Variants in FAM151B observed in about 807,000 individuals in gnomAD.
The protein encoded by FAM151B is protein FAM151B.
In FAM151B, 24 loss-of-function variants were observed where a neutral mutation model predicts 31.2. That is an observed-to-expected ratio of 0.77 (90% CI 0.56 to 1.08). The LOEUF (loss-of-function observed/expected upper bound fraction) is 1.08. Ranked by LOEUF, FAM151B falls within the 50% of genes least tolerant of loss-of-function variation. FAM151B has a pLI of 0.00. For missense variants in FAM151B, 293 were observed against 328.6 expected, an observed-to-expected ratio of 0.89 and a Z score of 0.84; for synonymous variants, 105 against 111.4, an observed-to-expected ratio of 0.94 and a Z score of 0.36.
chr5:80,519,130 CAG>C (rs1733741230), intron 3 of FAM151B, among the ~76,000 whole-genome samples: 1 of 152,112 alleles, frequency 6.6e-6, no homozygotes, highest in African/African-American at 2.4e-5. Flanking sequence ...AAAAATGAAA[CAG>C]AAACTTGAAG....
chr5:80,512,342 C>T (rs1476826096), intron 2 of FAM151B, among the ~76,000 whole-genome samples: 1 of 152,174 alleles, frequency 6.6e-6, no homozygotes, highest in East Asian at 1.9e-4. Context: ...TTCATTTGCT[C>T]ATGTTATATC....
At chr5:80,512,122 G>A (rs752669850) in intron 2 of FAM151B, among the ~76,000 whole-genome samples, 2 of 152,044 alleles carry the variant, frequency 1.3e-5, no homozygotes, top group Non-Finnish European at 2.9e-5. Flanking sequence ...TGATAAAAAC[G>A]TTGAAACTTT....
intron 2 of FAM151B, among the ~76,000 whole-genome samples, chr5:80,509,833 C>T (rs896064091): frequency 2.0e-5 from 3 of 152,230 alleles, no homozygotes; most frequent in Non-Finnish European, 4.4e-5. Context: ...GCCAAATACA[C>T]AGGTTCACTG....
intron 5 of FAM151B, among the ~76,000 whole-genome samples, chr5:80,538,452 T>TTC (rs1346985523): frequency 0.016 from 790 of 49,094 alleles, 58 homozygotes; most frequent in Non-Finnish European, 0.02. Context: ...TTCTTTCTCT[T>TTC]TCTTTCTTTC....
At chr5:80,538,380 C>CTTTCTT (rs1433900772) in intron 5 of FAM151B, among the ~76,000 whole-genome samples, 1 of 37,912 alleles carries the variant, frequency 2.6e-5, no homozygotes, top group African/African-American at 1.3e-4. Flanking sequence ...CTTTTTCTTT[C>CTTTCTT]TTTCTTTCTT....
At chr5:80,534,126 A>G (rs1459651600) in intron 5 of FAM151B, among the ~76,000 whole-genome samples, 2 of 152,172 alleles carry the variant, frequency 1.3e-5, no homozygotes, top group Non-Finnish European at 2.9e-5. Flanking sequence ...AAAGTCTTTC[A>G]GTAAAGAAAA....
chr5:80,527,544 G>T (rs1474020578), intron 5 of FAM151B, among the ~76,000 whole-genome samples: 1 of 152,218 alleles, frequency 6.6e-6, no homozygotes, highest in African/African-American at 2.4e-5. Context: ...TTGTTTCTAG[G>T]CTACAAACTT....
chr5:80,541,809 A>G lies in FAM151B; in HGVS notation c.808A>G (p.Ile270Val). 4 of 1,612,752 alleles carry G rather than the reference A, an allele frequency of 2.5e-6. No homozygotes were observed. Among genetic ancestry groups the G allele is most frequent in the South Asian group, 1.1e-5 (1 of 90,704 alleles). ...ACAAAACCATGAATTTAAACAAGCC[A>G]TTGGAATCAAAGTTAATCTCTAAGA... ...EPQNHEFKQA[I>V]GIKVNL The change falls in exon 6 of 6, where the codon ATT (isoleucine) becomes GTT (valine). Residue 270 changes from isoleucine (I) to valine (V), a missense_variant. By Grantham distance (29) the Ile-to-Val change is conservative. Transcript: ENST00000282226.
intron 5 of FAM151B, among the ~76,000 whole-genome samples, chr5:80,530,195 CT>C (rs1429566015): frequency 2.0e-5 from 3 of 152,082 alleles, no homozygotes; most frequent in African/African-American, 7.2e-5. Context: ...GCCCTTCATG[CT>C]AAAAACTCTC....
At chr5:80,488,578 G>A (rs565059115) in intron 1 of FAM151B, among the ~76,000 whole-genome samples, 2 of 152,238 alleles carry the variant, frequency 1.3e-5, no homozygotes, top group South Asian at 2.1e-4. Flanking sequence ...GCGCTGCCTG[G>A]AAAGCTGGCA....
intron 3 of FAM151B, among the ~76,000 whole-genome samples, chr5:80,515,272 A>AC (rs1382546001): frequency 6.6e-6 from 1 of 151,564 alleles, no homozygotes; most frequent in Non-Finnish European, 1.5e-5. Flanking sequence ...AATAATAAAA[A>AC]ATCATAAACT....
intron 5 of FAM151B, among the ~76,000 whole-genome samples, chr5:80,527,727 A>G (rs979742975): frequency 3.3e-5 from 5 of 152,154 alleles, no homozygotes; most frequent in African/African-American, 1.2e-4. Flanking sequence ...GCAGGACTGG[A>G]AGTGTCAGTG....
chr5:80,499,175 T>A (rs1245930972), intron 1 of FAM151B, among the ~76,000 whole-genome samples: 1 of 152,254 alleles, frequency 6.6e-6, no homozygotes, highest in East Asian at 1.9e-4. Flanking sequence ...GAGGTAAAAT[T>A]ATGGACAACT....
intron 1 of FAM151B, among the ~76,000 whole-genome samples, chr5:80,489,705 A>G (rs1743240664): frequency 6.6e-6 from 1 of 152,176 alleles, no homozygotes; most frequent in Non-Finnish European, 1.5e-5. Context: ...TGGGCGGATC[A>G]CGAGGTCAGG....
Position 80,496,843 on chromosome 5 carries a change from C to T in FAM151B, c.26-4949C>T, listed in dbSNP as rs183686676. Among the ~76,000 whole-genome samples the T allele has an allele frequency of 2.2e-4, 23 of 105,276 alleles. No individual in the cohort carries two copies. In the East Asian group the frequency reaches 6.1e-3, roughly 28 times the overall value. The allele number at this position is 105,276 out of a possible 152,430, so 69.1% of individuals were successfully genotyped here. On this transcript the variant is annotated intron_variant, in intron 1 of 5. Coordinates refer to ENST00000282226, the MANE Select transcript of FAM151B (RefSeq NM_205548.3). ...TTTTTTTTTTTGAGACGGAGTCTTGCTCTGTCACCCAAGCCGGAGTGCAGT... is the reference window on the plus strand; with the variant it reads ...TTTTTTTTTTTGAGACGGAGTCTTGTTCTGTCACCCAAGCCGGAGTGCAGT...
At chr5:80,488,247 T>C in intron 1 of FAM151B, 99 bp downstream of exon 1, 10 of 1,411,318 alleles carry the variant, frequency 7.1e-6, no homozygotes, top group Non-Finnish European at 9.4e-6. Flanking sequence ...TCTTCCTTGC[T>C]AGGGACCTGG....
chr5:80,536,219 G>A (rs59978342), intron 5 of FAM151B, among the ~76,000 whole-genome samples: 32,708 of 152,078 alleles, frequency 0.22, 3,720 homozygotes, highest in Non-Finnish European at 0.26. Flanking sequence ...TGCCCAGGCT[G>A]GAGTGCAATG....
At chr5:80,518,595 A>T (rs994414681) in intron 3 of FAM151B, among the ~76,000 whole-genome samples, 1 of 152,182 alleles carries the variant, frequency 6.6e-6, no homozygotes, top group Non-Finnish European at 1.5e-5. Flanking sequence ...GCCCTCCCCA[A>T]TTCAGGGGCA....
At chr5:80,538,366 C>CTTTCTT (rs1329014312) in intron 5 of FAM151B, among the ~76,000 whole-genome samples, 1 of 148,576 alleles carries the variant, frequency 6.7e-6, no homozygotes, top group Non-Finnish European at 1.5e-5. Context: ...CGCACCCAGC[C>CTTTCTT]TTTCTTTTTC....
Sources: gnomAD v4.1 joint callset for allele counts (sites outside exome capture counted in the v4.1 genomes callset) on GRCh38, gnomAD v4.1.1 for gene constraint, MANE v1.5 for transcripts, NCBI Gene and HGNC (gene_info 2026-07-23, HGNC 2026-07-21) for gene names.